GRIA3: variants seen among roughly 807,000 people sequenced by gnomAD.
GRIA3 encodes the protein glutamate receptor 3.
In GRIA3, 3 loss-of-function variants were observed where a neutral mutation model predicts 63.0. The ratio of observed to expected loss-of-function variants is 0.05; its 90% CI spans 0.02 to 0.12. The LOEUF (loss-of-function observed/expected upper bound fraction) is 0.12, where lower values mean the gene tolerates loss of function less well. Among genes scored for constraint, GRIA3 ranks in the 10% least tolerant of loss-of-function variants. GRIA3 has a pLI of 1.00. For synonymous variants in GRIA3, 274 were observed against 257.9 expected (o/e 1.06, Z -0.60); for missense variants, 347 against 700.9 (o/e 0.50, Z 5.70).
intron 2 of GRIA3, among the ~76,000 whole-genome samples, chrX:123,202,136 A>G (rs1161404523): frequency 8.9e-6 from 1 of 112,575 alleles, no homozygotes; most frequent in African/African-American, 3.2e-5. Flanking sequence ...TGGCATGCAT[A>G]CAGCCCACGT....
chrX:123,380,276 C>T (rs1415573337), intron 5 of GRIA3, among the ~76,000 whole-genome samples: 1 of 111,854 alleles, frequency 8.9e-6, no homozygotes, highest in East Asian at 2.8e-4. Flanking sequence ...TAAAAGTGTT[C>T]CTATTTCTCC....
intron 3 of GRIA3, among the ~76,000 whole-genome samples, chrX:123,291,961 T>C (rs2044658623): frequency 9.0e-6 from 1 of 111,489 alleles, no homozygotes; most frequent in Non-Finnish European, 1.9e-5. Flanking sequence ...ACCATGTGCT[T>C]GGAGATCTGA....
chrX:123,240,344 T>A (rs1211997947), intron 2 of GRIA3, among the ~76,000 whole-genome samples: 10 of 112,065 alleles, frequency 8.9e-5, no homozygotes, highest in East Asian at 5.6e-4. Flanking sequence ...TTGCCTTTTT[T>A]TTTCCTTGAT....
rs2045427324 is a variant in GRIA3 at position 123,398,652 on chromosome X, C to T, written c.929C>T (p.Thr310Ile). ...NAPLKYTSAL[T>I]HDAILVIAEA... is the part of the protein sequence containing the mutation. ...CCATTTCAGTATACATCTGCATTGA[C>T]ACACGACGCAATACTGGTCATAGCA... The change falls in exon 7 of 16, where the codon ACA (threonine) becomes ATA (isoleucine). Residue 310 changes from threonine (T) to isoleucine (I), a missense_variant. Around this residue, in one of 8 missense-constraint regions of GRIA3, gnomAD observed 65 missense variants for 145.8 expected, o/e 0.45. Coordinates refer to ENST00000620443, the MANE Select transcript of GRIA3 (RefSeq NM_007325.5). The T allele has an allele frequency of 8.3e-7, 1 of 1,203,363 alleles. No individual in the cohort carries two copies. Among genetic ancestry groups the T allele is most frequent in the African/African-American group, 1.8e-5 (1 of 56,823 alleles).
At chrX:123,482,749 C>T in intron 14 of GRIA3, 50 bp from the exon 15 acceptor site, 1 of 1,181,855 alleles carries the variant, frequency 8.5e-7, no homozygotes, top group South Asian at 1.8e-5. Context: ...TATAATGTTC[C>T]ATTGCCTTTG....
intron 6 of GRIA3, among the ~76,000 whole-genome samples, chrX:123,396,556 C>A (rs1333251528): frequency 1.8e-5 from 2 of 111,246 alleles, no homozygotes; most frequent in African/African-American, 6.5e-5. Flanking sequence ...AATATGGTCA[C>A]AATCCCTATG....
chrX:123,261,180 C>G (rs780572576), intron 3 of GRIA3, among the ~76,000 whole-genome samples: 10 of 111,134 alleles, frequency 9.0e-5, no homozygotes, highest in African/African-American at 2.9e-4. Context: ...ATTCAAAAGA[C>G]ATTAAACTAC....
At chrX:123,328,771 A>T (rs2044922286) in intron 4 of GRIA3, among the ~76,000 whole-genome samples, 1 of 112,138 alleles carries the variant, frequency 8.9e-6, no homozygotes, top group Non-Finnish European at 1.9e-5. Context: ...ACCTACAGTT[A>T]CATGATGTGA....
intron 4 of GRIA3, among the ~76,000 whole-genome samples, chrX:123,327,679 C>T (rs1377477344): frequency 9.0e-6 from 1 of 110,836 alleles, no homozygotes; most frequent in South Asian, 3.8e-4. Flanking sequence ...GACTCTATAT[C>T]GTAGAAATAC....
At chrX:123,233,617 C>T (rs763430826) in intron 2 of GRIA3, among the ~76,000 whole-genome samples, 2 of 111,784 alleles carry the variant, frequency 1.8e-5, no homozygotes, top group Non-Finnish European at 3.8e-5. Flanking sequence ...AGGTCTGGTG[C>T]CATGAGAATT....
intron 5 of GRIA3, among the ~76,000 whole-genome samples, chrX:123,389,038 T>C (rs1211650184): frequency 1.8e-5 from 2 of 112,477 alleles, no homozygotes; most frequent in Non-Finnish European, 3.8e-5. Flanking sequence ...AAAGTTCCTC[T>C]TGTTATTGAT....
intron 2 of GRIA3, among the ~76,000 whole-genome samples, chrX:123,201,697 C>CA (rs373746999): frequency 4.7e-4 from 46 of 98,829 alleles, no homozygotes; most frequent in East Asian, 1.9e-3. Context: ...TGACCTTCAT[C>CA]AAAAAAAAAA....
Position 123,326,248 on chromosome X carries a change from T to C in GRIA3, c.696+35T>C, listed in dbSNP as rs367767503. On this transcript the variant is annotated intron_variant, in intron 4 of 15. Coordinates refer to ENST00000620443, the MANE Select transcript of GRIA3 (RefSeq NM_007325.5). ...AGATTTATTTCACCGCCAGCCAACA[T>C]GTTAAATTATCAACCTAAGTCAGCT... 70 of 1,101,879 alleles carry C rather than the reference T, an allele frequency of 6.4e-5. No homozygotes were observed. In the African/African-American group the frequency reaches 1.2e-3, roughly 18 times the overall value. 90.8% of individuals were successfully genotyped at this position (1,101,879 alleles called of 1,213,427 possible).
intron 3 of GRIA3, among the ~76,000 whole-genome samples, chrX:123,324,305 G>A (rs1046715558): frequency 8.9e-6 from 1 of 112,258 alleles, no homozygotes; most frequent in African/African-American, 3.2e-5. Flanking sequence ...TAAAGACTCT[G>A]TCCACTTTCA....
intron 11 of GRIA3, among the ~76,000 whole-genome samples, chrX:123,425,480 T>A (rs1330518378): frequency 1.8e-5 from 2 of 112,244 alleles, no homozygotes; most frequent in African/African-American, 6.5e-5. Flanking sequence ...GGATGTTTCT[T>A]TGGAATGTTA....
intron 3 of GRIA3, among the ~76,000 whole-genome samples, chrX:123,275,683 A>T (rs1258883848): frequency 8.9e-6 from 1 of 112,287 alleles, no homozygotes; most frequent in Admixed American, 9.4e-5. Flanking sequence ...TGTGAATTAC[A>T]CGGACACTTA....
At chrX:123,276,430 C>T (rs1365228756) in intron 3 of GRIA3, among the ~76,000 whole-genome samples, 2 of 111,678 alleles carry the variant, frequency 1.8e-5, no homozygotes, top group Non-Finnish European at 3.8e-5. Flanking sequence ...AACACAGAAT[C>T]TCTCCCCCTT....
Position 123,437,351 on chromosome X carries a change from A to G in GRIA3, c.2076+9212A>G, listed in dbSNP as rs749731976. 2.7e-5 allele frequency among the ~76,000 whole-genome samples: 3 copies of G among 110,932 alleles called. No homozygotes were observed. The South Asian group carries it at 1.1e-3, about 42-fold the overall frequency. ...GTACGGATAGGTGCTCCAGGATGCT[A>G]TAATAAAGAATGACTTAGGGTTAGA... On this transcript the variant is annotated intron_variant, in intron 12 of 15. Coordinates refer to ENST00000620443, the MANE Select transcript of GRIA3 (RefSeq NM_007325.5).
chrX:123,472,136 G>A (rs1329748306), intron 13 of GRIA3, among the ~76,000 whole-genome samples: 3 of 102,473 alleles, frequency 2.9e-5, no homozygotes, highest in Non-Finnish European at 4.0e-5. Context: ...AAACAGATCT[G>A]ATTTCAGATC....
Sources: gnomAD v4.1 joint callset for allele counts (sites outside exome capture counted in the v4.1 genomes callset) on GRCh38, gnomAD v4.1.1 for gene constraint, gnomAD v4.1.1 regional missense constraint, MANE v1.5 for transcripts, NCBI Gene and HGNC (gene_info 2026-07-23, HGNC 2026-07-21) for gene names.